The following TRPM3 variants were observed in gnomAD, a reference collection of about 807,000 sequenced individuals.
TRPM3 encodes long transient receptor potential channel 3.
TRPM3 carries 77 observed loss-of-function variants against 181.2 expected under a neutral mutation model. The ratio of observed to expected loss-of-function variants is 0.42; its 90% CI spans 0.35 to 0.51. The LOEUF (loss-of-function observed/expected upper bound fraction) is 0.51. Ranked by LOEUF, TRPM3 falls within the 20% of genes least tolerant of loss-of-function variation. TRPM3 has a pLI of 0.01. For synonymous variants in TRPM3, 745 were observed against 796.4 expected, an observed-to-expected ratio of 0.94 and a Z score of 1.09; for missense variants, 1,759 against 2,196.7, an observed-to-expected ratio of 0.80 and a Z score of 3.98.
At chr9:71,043,077 T>C (rs980425480) in intron 1 of TRPM3, among the ~76,000 whole-genome samples, 1 of 152,200 alleles carries the variant, frequency 6.6e-6, no homozygotes, top group Non-Finnish European at 1.5e-5. Context: ...ATGTGAAAAT[T>C]GGAAATTTCT....
intron 1 of TRPM3, among the ~76,000 whole-genome samples, chr9:71,007,887 A>G (rs60654089): frequency 0.044 from 6,641 of 152,198 alleles, 519 homozygotes; most frequent in African/African-American, 0.15. Context: ...TAAGAATAAA[A>G]TAAACCCAAA....
At chr9:71,282,790 C>T (rs924274936) in intron 1 of TRPM3, among the ~76,000 whole-genome samples, 23 of 152,296 alleles carry the variant, frequency 1.5e-4, no homozygotes, top group African/African-American at 2.2e-4. Flanking sequence ...TCATCAGACT[C>T]TACAAGTGGC....
chr9:70,614,261 A>G (rs989395649), intron 18 of TRPM3, among the ~76,000 whole-genome samples: 3 of 150,818 alleles, frequency 2.0e-5, no homozygotes, highest in African/African-American at 7.3e-5. Flanking sequence ...ATGGGAGGCC[A>G]AGGCTAGAGG....
At chr9:71,042,111 A>G (rs2058893250) in intron 1 of TRPM3, among the ~76,000 whole-genome samples, 1 of 152,140 alleles carries the variant, frequency 6.6e-6, no homozygotes, top group African/African-American at 2.4e-5. Flanking sequence ...GAGGATTAAA[A>G]GCTTAGACAA....
chr9:71,125,581 TTATC>T (rs1261703831), upstream of TRPM3, among the ~76,000 whole-genome samples: 2 of 152,208 alleles, frequency 1.3e-5, no homozygotes, highest in African/African-American at 4.8e-5. Flanking sequence ...CACATTTTCT[TTATC>T]TAGTCCATCA....
chr9:70,803,451 GTTT>G (rs36024262), intron 6 of TRPM3, among the ~76,000 whole-genome samples: 24 of 125,286 alleles, frequency 1.9e-4, no homozygotes, highest in African/African-American at 4.6e-4. Flanking sequence ...CGTTTTTGTT[GTTT>G]TTTTTTTTTT....
At chr9:70,828,138 T>G (rs757450288) in intron 5 of TRPM3, 120 bp from the exon 6 acceptor site, 64 of 989,576 alleles carry the variant, frequency 6.5e-5, no homozygotes, top group Non-Finnish European at 9.0e-5. Flanking sequence ...ACAGTGAAAG[T>G]ACAGTCTACA....
chr9:71,171,593 T>A (rs2076860762), intron 1 of TRPM3, among the ~76,000 whole-genome samples: 1 of 152,130 alleles, frequency 6.6e-6, no homozygotes, highest in African/African-American at 2.4e-5. Flanking sequence ...AGAAATTAAG[T>A]CACAATTCCT....
At chr9:70,552,231 A>G (rs766154419) in intron 24 of TRPM3, among the ~76,000 whole-genome samples, 2 of 152,188 alleles carry the variant, frequency 1.3e-5, no homozygotes, top group Non-Finnish European at 2.9e-5. Flanking sequence ...GAGGCTGGAT[A>G]TGCCAAACCT....
chr9:71,341,086 A>G (rs2090930252), intron 1 of TRPM3, among the ~76,000 whole-genome samples: 1 of 152,190 alleles, frequency 6.6e-6, no homozygotes, highest in Non-Finnish European at 1.5e-5. Flanking sequence ...TATTGGTTAC[A>G]TAAATAACTG....
chr9:70,789,049 C>T (rs963581148), intron 6 of TRPM3, among the ~76,000 whole-genome samples: 15 of 152,192 alleles, frequency 9.9e-5, no homozygotes, highest in African/African-American at 2.9e-4. Context: ...CACTCTCTCT[C>T]CATTCTCCTC....
At chr9:70,994,408 A>G (rs1412994519) in intron 1 of TRPM3, among the ~76,000 whole-genome samples, 1 of 152,110 alleles carries the variant, frequency 6.6e-6, no homozygotes, top group Non-Finnish European at 1.5e-5. Context: ...CACTCACTCC[A>G]TGACTCCTGG....
chr9:70,582,188 G>A (rs2056002318), intron 22 of TRPM3, among the ~76,000 whole-genome samples: 1 of 147,280 alleles, frequency 6.8e-6, no homozygotes, highest in African/African-American at 2.5e-5. Flanking sequence ...GTGCGTGTGT[G>A]TGTGTGTGTG....
At chr9:71,063,369 C>T (rs1275463597) in intron 1 of TRPM3, among the ~76,000 whole-genome samples, 7 of 152,108 alleles carry the variant, frequency 4.6e-5, no homozygotes, top group South Asian at 4.2e-4. Context: ...ACACACGGCA[C>T]GTGCTGTGTG....
At chr9:70,750,751 T>C (rs551518014) in intron 8 of TRPM3, among the ~76,000 whole-genome samples, 1 of 152,068 alleles carries the variant, frequency 6.6e-6, no homozygotes, top group Non-Finnish European at 1.5e-5. Context: ...GGGGAAACAT[T>C]GTGGAGATGT....
intron 1 of TRPM3, among the ~76,000 whole-genome samples, chr9:70,991,968 G>A (rs1249472311): frequency 6.6e-6 from 1 of 152,086 alleles, no homozygotes; most frequent in Non-Finnish European, 1.5e-5. Context: ...ATCCTTTGAG[G>A]CCCAGCTCCA....
At chr9:70,922,533 C>G (rs1170393198) in intron 1 of TRPM3, among the ~76,000 whole-genome samples, 1 of 152,180 alleles carries the variant, frequency 6.6e-6, no homozygotes, top group Admixed American at 6.5e-5. Flanking sequence ...GCAGCCTTGA[C>G]ATTTTTGTAC....
intron 1 of TRPM3, among the ~76,000 whole-genome samples, chr9:71,205,302 G>A (rs1354353172): frequency 2.0e-5 from 3 of 151,970 alleles, no homozygotes; most frequent in African/African-American, 7.2e-5. Flanking sequence ...GAACAAGAAC[G>A]ATTATTTCTA....
At chr9:71,199,180 G>T (rs1385013578) in intron 1 of TRPM3, among the ~76,000 whole-genome samples, 1 of 151,310 alleles carries the variant, frequency 6.6e-6, no homozygotes, top group African/African-American at 2.4e-5. Flanking sequence ...TACATTTATT[G>T]ATTTGCGTAT....
Sources: allele counts gnomAD v4.1 joint callset (sites outside exome capture counted in the v4.1 genomes callset), GRCh38; gene constraint gnomAD v4.1.1; transcripts MANE v1.5; gene names NCBI Gene and HGNC (gene_info 2026-07-23, HGNC 2026-07-21).